ZNRF1: variants seen among roughly 807,000 people sequenced by gnomAD.
ZNRF1 encodes zinc and ring finger 1.
ZNRF1 carries 3 observed loss-of-function variants against 18.4 expected under a neutral mutation model. That is an observed-to-expected ratio of 0.16 (90% CI 0.07 to 0.42). The LOEUF (loss-of-function observed/expected upper bound fraction) is 0.42, where lower values mean the gene tolerates loss of function less well. Ranked by LOEUF, ZNRF1 falls within the 10% of genes least tolerant of loss-of-function variation. The pLI, the probability that ZNRF1 is intolerant of heterozygous loss-of-function variation, is 0.99. For synonymous variants in ZNRF1, 157 were observed against 144.2 expected (o/e 1.09, Z -0.64); for missense variants, 310 against 329.8 (o/e 0.94, Z 0.47).
chr16:75,069,971 C>T (rs547940546), intron 1 of ZNRF1, among the ~76,000 whole-genome samples: 8 of 152,302 alleles, frequency 5.3e-5, no homozygotes, highest in African/African-American at 1.9e-4. Flanking sequence ...GCTTGAGTAT[C>T]ATTAACTTCT....
intron 1 of ZNRF1, among the ~76,000 whole-genome samples, chr16:75,004,203 G>T (rs753038094): frequency 6.6e-6 from 1 of 152,258 alleles, no homozygotes; most frequent in East Asian, 1.9e-4. Context: ...ATCTGGTTCT[G>T]TGTCCTAAAG....
At position 74,999,806 on chromosome 16, in the gene ZNRF1, G is replaced by C. The variant is rs753269868; in HGVS notation, c.135G>C (p.Gly45=). ...ACCGGACGGGCGGCGGGGCCATGGG[G>C]CTGCGCAGCCGCTCGGTCAGCTCGG... ...GHYRTGGGAM[G]LRSRSVSSVA... The change falls in exon 1 of 5, where the codon GGG becomes GGC. Residue 45 remains glycine, a synonymous_variant. Coordinates refer to ENST00000335325, the MANE Select transcript of ZNRF1 (RefSeq NM_032268.5). 5.5e-6 allele frequency: 8 copies of C among 1,442,678 alleles called. No homozygotes were observed. In the African/African-American group the frequency reaches 1.2e-4, roughly 21 times the overall value. The allele number at this position is 1,442,678 out of a possible 1,614,324, so 89.4% of individuals were successfully genotyped here. A position where few individuals can be genotyped will look rare whatever the true frequency, so the allele number is the denominator to read the frequency against.
At chr16:75,006,106 G>T (rs2034913723) in intron 1 of ZNRF1, among the ~76,000 whole-genome samples, 1 of 152,180 alleles carries the variant, frequency 6.6e-6, no homozygotes, top group African/African-American at 2.4e-5. Flanking sequence ...GTATGCAGTT[G>T]CTTGTTGACC....
chr16:75,100,461 C>T lies in ZNRF1; in HGVS notation c.521-4323C>T, dbSNP rs201469163. On this transcript the variant is annotated intron_variant, in intron 2 of 4. Transcript: ENST00000335325. ...CAAGTCCAGTCTTGTCATAAAGCGC[C>T]TAAGCCTTATCCTCATACCTGCCTC... is the stretch of plus-strand genomic sequence containing the variant. 1.4e-4 allele frequency among the ~76,000 whole-genome samples: 21 copies of T among 152,286 alleles called. No homozygotes were observed. The East Asian group carries it at 4.1e-3, about 29-fold the overall frequency.
chr16:75,088,384 G>A (rs2036098704), intron 1 of ZNRF1, among the ~76,000 whole-genome samples: 1 of 152,130 alleles, frequency 6.6e-6, no homozygotes, highest in African/African-American at 2.4e-5. Context: ...CTTACAACCA[G>A]TGCTGTAGGC....
intron 1 of ZNRF1, among the ~76,000 whole-genome samples, chr16:75,016,959 A>C (rs1342819908): frequency 6.6e-6 from 1 of 152,250 alleles, no homozygotes; most frequent in Non-Finnish European, 1.5e-5. Flanking sequence ...TAGAATAAAC[A>C]CAGTGAAGTA....
intron 1 of ZNRF1, among the ~76,000 whole-genome samples, chr16:75,074,852 G>C (rs2035918977): frequency 6.6e-6 from 1 of 152,152 alleles, no homozygotes; most frequent in African/African-American, 2.4e-5. Context: ...AGGATCACTT[G>C]AAGCCAGGAC....
intron 1 of ZNRF1, among the ~76,000 whole-genome samples, chr16:75,031,099 G>A (rs748137093): frequency 6.7e-6 from 1 of 149,848 alleles, no homozygotes; most frequent in African/African-American, 2.5e-5. Context: ...GCCTCCCAAA[G>A]TGCTAGGATT....
chr16:75,072,747 C>A (rs1035470018), intron 1 of ZNRF1, among the ~76,000 whole-genome samples: 3 of 152,030 alleles, frequency 2.0e-5, no homozygotes. Flanking sequence ...TCCCATTGAA[C>A]CCCTCCTTTT....
chr16:75,089,407 C>T (rs1279352442), intron 1 of ZNRF1, among the ~76,000 whole-genome samples: 1 of 152,210 alleles, frequency 6.6e-6, no homozygotes, highest in East Asian at 1.9e-4. Context: ...CCGTGCCCAG[C>T]CCAGAGCTAT....
At chr16:75,057,435 A>G (rs762668313) in intron 1 of ZNRF1, among the ~76,000 whole-genome samples, 3 of 152,052 alleles carry the variant, frequency 2.0e-5, no homozygotes, top group Non-Finnish European at 4.4e-5. Context: ...TTAAGAAGCA[A>G]TTTATTCCTT....
At chr16:75,069,078 G>A (rs1336376538) in intron 1 of ZNRF1, among the ~76,000 whole-genome samples, 1 of 151,936 alleles carries the variant, frequency 6.6e-6, no homozygotes, top group East Asian at 1.9e-4. Context: ...TAGCCAAAGG[G>A]GTGAACAGCG....
chr16:75,040,646 G>A (rs1427715621), intron 1 of ZNRF1, among the ~76,000 whole-genome samples: 3 of 97,224 alleles, frequency 3.1e-5, no homozygotes, highest in Non-Finnish European at 5.4e-5. Context: ...TGCTCTTGTT[G>A]CCCAGGCTGG....
rs148488424 is a variant in ZNRF1, at chr16:75,035,276, C to T, written c.424+35181C>T. ...CTCCAACTCCTGGGCTCAAGTGATC[C>T]TCCTGTCTCAGCCTCCCAAAGTACT... On this transcript the variant is annotated intron_variant, in intron 1 of 4. Transcript: ENST00000335325. 3.2e-4 allele frequency among the ~76,000 whole-genome samples: 48 copies of T among 152,296 alleles called. 1 individual carries two copies. The East Asian group carries it at 9.3e-3, about 29-fold the overall frequency.
intron 1 of ZNRF1, among the ~76,000 whole-genome samples, chr16:75,077,180 CAGG>C (rs2035949342): frequency 6.6e-6 from 1 of 152,136 alleles, no homozygotes; most frequent in African/African-American, 2.4e-5. Flanking sequence ...ACCACGAGGT[CAGG>C]AGATCGAGAC....
intron 1 of ZNRF1, among the ~76,000 whole-genome samples, chr16:75,044,581 G>C (rs1336178314): frequency 2.0e-5 from 3 of 151,766 alleles, no homozygotes; most frequent in Admixed American, 6.6e-5. Context: ...GCCCAGGCTG[G>C]TCTTGAACTC....
chr16:75,054,743 C>T (rs1385421445), intron 1 of ZNRF1, among the ~76,000 whole-genome samples: 1 of 152,242 alleles, frequency 6.6e-6, no homozygotes, highest in African/African-American at 2.4e-5. Flanking sequence ...GATACTAATC[C>T]TCCTGGGAGA....
rs111852866 is a variant in ZNRF1 at position 75,108,004 on chromosome 16, C to CA, written c.*313dup. On this transcript the variant is annotated 3_prime_UTR_variant, in exon 5 of 5. Coordinates refer to ENST00000335325, the MANE Select transcript of ZNRF1 (RefSeq NM_032268.5). ...TGTGGGTCTGTCTTTAAAGTGTTTACAAAAAAAAATTATATAAAAAAAAAG... is the reference window on the plus strand; with the variant it reads ...TGTGGGTCTGTCTTTAAAGTGTTTACAAAAAAAAAATTATATAAAAAAAAAG... 2.4e-3 allele frequency: 727 copies of CA among 299,232 alleles called. 3 individuals carry two copies. Among genetic ancestry groups the CA allele is most frequent in the African/African-American group, 0.013 (573 of 43,802 alleles). The allele number at this position is 299,232 out of a possible 1,614,324, so 18.5% of individuals were successfully genotyped here.
chr16:75,058,864 C>T (rs911121598), intron 1 of ZNRF1, among the ~76,000 whole-genome samples: 1 of 152,146 alleles, frequency 6.6e-6, no homozygotes, highest in Non-Finnish European at 1.5e-5. Context: ...TTTCTGTGTG[C>T]CTTAGTTGAG....
Sources: allele counts gnomAD v4.1 joint callset (sites outside exome capture counted in the v4.1 genomes callset), GRCh38; gene constraint gnomAD v4.1.1; transcripts MANE v1.5; gene names NCBI Gene and HGNC (gene_info 2026-07-23, HGNC 2026-07-21).